CELF4: variants seen among roughly 807,000 people sequenced by gnomAD.
The protein encoded by CELF4 is CUG-BP- and ETR-3-like factor 4.
Under a neutral mutation model 59.9 loss-of-function variants are expected in CELF4, and 18 were observed. That is an observed-to-expected ratio of 0.30 (90% CI 0.21 to 0.45). The LOEUF is 0.45. CELF4 is among the 20% of genes least tolerant of loss of function. The probability of loss-of-function intolerance (pLI) is 1.00; values close to 1 mark genes in which losing one functional copy is unlikely to be tolerated. For missense variants in CELF4, 456 were observed against 689.0 expected, an observed-to-expected ratio of 0.66 and a Z score of 3.79; for synonymous variants, 261 against 267.1, an observed-to-expected ratio of 0.98 and a Z score of 0.22.
At chr18:37,294,371 C>T (rs1036546425) in intron 3 of CELF4, among the ~76,000 whole-genome samples, 1 of 152,170 alleles carries the variant, frequency 6.6e-6, no homozygotes, top group African/African-American at 2.4e-5. Context: ...AGGAACCTCC[C>T]TTTCTGTCCA....
At chr18:37,371,547 G>C (rs1166434258) in intron 2 of CELF4, among the ~76,000 whole-genome samples, 1 of 152,256 alleles carries the variant, frequency 6.6e-6, no homozygotes, top group Non-Finnish European at 1.5e-5. Context: ...TCAGACTGAA[G>C]AGTGGGGCTT....
intron 10 of CELF4, among the ~76,000 whole-genome samples, chr18:37,262,815 C>T (rs2075556958): frequency 6.6e-6 from 1 of 152,132 alleles, no homozygotes; most frequent in South Asian, 2.1e-4. Context: ...GCAAGGCAGG[C>T]CCAGGGCTGC....
chr18:37,371,923 T>A (rs2098893351), intron 2 of CELF4, among the ~76,000 whole-genome samples: 1 of 152,238 alleles, frequency 6.6e-6, no homozygotes, highest in Admixed American at 6.5e-5. Flanking sequence ...TACACTCTTC[T>A]TAATGTGTGC....
chr18:37,421,694 G>T (rs777220830), intron 2 of CELF4, among the ~76,000 whole-genome samples: 18 of 152,386 alleles, frequency 1.2e-4, no homozygotes, highest in Middle Eastern at 3.4e-3. Context: ...CAGATCGGAG[G>T]CTCAGGCTTG....
intron 2 of CELF4, among the ~76,000 whole-genome samples, chr18:37,353,233 A>AAAAAATATATATATATATATATATAT (rs71168258): frequency 9.3e-6 from 1 of 106,990 alleles, no homozygotes; most frequent in Admixed American, 1.2e-4. Context: ...AAAAAAAAAA[A>AAAAAATATATATATATATATATATAT]ATATATATAT....
Position 37,253,323 on chromosome 18 carries a change from C to T in CELF4, c.*44+444G>A. Among the ~76,000 whole-genome samples the T allele has an allele frequency of 6.6e-6, 1 of 152,198 alleles. No individual in the cohort carries two copies. Among genetic ancestry groups the T allele is most frequent in the East Asian group, 1.9e-4 (1 of 5,182 alleles). Reference sequence around the variant, plus strand: ...GGGTCAAGTGTCTAAAGGCTACCAGCCCTCCTGGAAGAACTGGGGAGGAGA... The same window carrying T: ...GGGTCAAGTGTCTAAAGGCTACCAGTCCTCCTGGAAGAACTGGGGAGGAGA... On this transcript the variant is annotated intron_variant, in intron 12 of 12. Transcript: ENST00000420428. The surrounding 1 kb of genome is among the most constrained non-coding windows in gnomAD (Gnocchi z 4.5).
intron 2 of CELF4, among the ~76,000 whole-genome samples, chr18:37,398,323 T>C (rs1452927849): frequency 6.6e-6 from 1 of 152,168 alleles, no homozygotes; most frequent in Non-Finnish European, 1.5e-5. Context: ...AGTCCTGTCC[T>C]GGGAGGGTAG....
chr18:37,374,278 T>C (rs2098938982), intron 2 of CELF4, among the ~76,000 whole-genome samples: 1 of 152,244 alleles, frequency 6.6e-6, no homozygotes, highest in Non-Finnish European at 1.5e-5. Context: ...CTTTGAGCCC[T>C]GCACCCAGCG....
intron 2 of CELF4, among the ~76,000 whole-genome samples, chr18:37,450,248 G>A (rs2099759449): frequency 1.3e-5 from 2 of 152,122 alleles, no homozygotes; most frequent in Non-Finnish European, 2.9e-5. Context: ...GTGTATGCGT[G>A]TGAGTGTTGG....
intron 2 of CELF4, among the ~76,000 whole-genome samples, chr18:37,453,331 G>T (rs2099769339): frequency 6.6e-6 from 1 of 152,202 alleles, no homozygotes; most frequent in African/African-American, 2.4e-5. Context: ...TGTTTGTGGG[G>T]TACTCCCTAA....
chr18:37,396,913 C>A (rs537448063), intron 2 of CELF4, among the ~76,000 whole-genome samples: 372 of 152,234 alleles, frequency 2.4e-3, no homozygotes, highest in Middle Eastern at 6.8e-3. Context: ...CTGCTCATAT[C>A]TTTTGTTTTT....
intron 2 of CELF4, among the ~76,000 whole-genome samples, chr18:37,397,919 C>T (rs1466181022): frequency 1.3e-5 from 2 of 152,132 alleles, no homozygotes; most frequent in Admixed American, 1.3e-4. Flanking sequence ...GTGCTTTGTT[C>T]CAACACAAGG....
intron 2 of CELF4, among the ~76,000 whole-genome samples, chr18:37,439,296 G>A (rs2099704007): frequency 6.6e-6 from 1 of 152,206 alleles, no homozygotes. Context: ...CCATGGGACA[G>A]TTTCTCTTGT....
At chr18:37,499,900 C>T (rs545856295) in intron 1 of CELF4, among the ~76,000 whole-genome samples, 135 of 152,282 alleles carry the variant, frequency 8.9e-4, no homozygotes, top group African/African-American at 3.0e-3. Flanking sequence ...AGGAGTGGGG[C>T]ATGGGAAGTA....
intron 2 of CELF4, among the ~76,000 whole-genome samples, chr18:37,382,052 G>T (rs1396462611): frequency 2.0e-5 from 3 of 152,180 alleles, no homozygotes; most frequent in African/African-American, 7.2e-5. Context: ...AAACCTGGTG[G>T]TCCTTAAATT....
At chr18:37,343,427 G>A (rs866380260) in intron 2 of CELF4, among the ~76,000 whole-genome samples, 1 of 149,070 alleles carries the variant, frequency 6.7e-6, no homozygotes, top group Non-Finnish European at 1.5e-5. Context: ...CATCCCAAAG[G>A]CTCCAAAATC....
At chr18:37,322,933 C>T (rs1321771959) in intron 2 of CELF4, among the ~76,000 whole-genome samples, 2 of 152,190 alleles carry the variant, frequency 1.3e-5, no homozygotes, top group East Asian at 1.9e-4. Flanking sequence ...AAGGCCACCA[C>T]GTGGCAGGAC....
At chr18:37,514,268 C>A (rs367685225) in intron 1 of CELF4, among the ~76,000 whole-genome samples, 1 of 152,012 alleles carries the variant, frequency 6.6e-6, no homozygotes, top group African/African-American at 2.4e-5. Flanking sequence ...GCTGAAAGTA[C>A]GGCCCTCTTC....
intron 2 of CELF4, among the ~76,000 whole-genome samples, chr18:37,451,461 G>C (rs1235334441): frequency 6.6e-6 from 1 of 152,210 alleles, no homozygotes; most frequent in African/African-American, 2.4e-5. Context: ...CAGTATGTAT[G>C]TGTATGCAGG....
Sources: gnomAD v4.1 joint callset for allele counts (sites outside exome capture counted in the v4.1 genomes callset) on GRCh38, gnomAD v4.1.1 for gene constraint, Gnocchi (gnomAD v3.1) non-coding constraint, MANE v1.5 for transcripts, NCBI Gene and HGNC (gene_info 2026-07-23, HGNC 2026-07-21) for gene names.